Variants in FAM13A observed in about 807,000 individuals in gnomAD.
FAM13A encodes protein FAM13A.
Under a neutral mutation model 129.6 loss-of-function variants are expected in FAM13A, and 76 were observed. The ratio of observed to expected loss-of-function variants is 0.59; its 90% CI spans 0.49 to 0.71. The LOEUF is 0.71. FAM13A is among the 30% of genes least tolerant of loss of function. The pLI, the probability that FAM13A is intolerant of heterozygous loss-of-function variation, is 0.00. For synonymous variants in FAM13A, 443 were observed against 449.9 expected, an observed-to-expected ratio of 0.98 and a Z score of 0.20; for missense variants, 1,108 against 1,249.3, an observed-to-expected ratio of 0.89 and a Z score of 1.70.
At chr4:88,929,528 G>T (rs539706436) in intron 5 of FAM13A, among the ~76,000 whole-genome samples, 68 of 151,864 alleles carry the variant, frequency 4.5e-4, no homozygotes, top group Non-Finnish European at 1.3e-4. Context: ...CCAATAATTT[G>T]TAAGTTCAGT....
chr4:88,945,990 G>GTGTGTGTGTGTGTATATATATATATATA, intron 4 of FAM13A, among the ~76,000 whole-genome samples: 8 of 61,946 alleles, frequency 1.3e-4, no homozygotes, highest in Admixed American at 3.4e-4. Context: ...GTGTGTGTGT[G>GTGTGTGTGTGTGTATATATATATATATA]TATATATATA....
At chr4:88,985,650 T>C (rs1467979642) in intron 4 of FAM13A, among the ~76,000 whole-genome samples, 1 of 152,152 alleles carries the variant, frequency 6.6e-6, no homozygotes, top group Non-Finnish European at 1.5e-5. Flanking sequence ...GGCTATCTAA[T>C]GATATAGAGG....
intron 4 of FAM13A, among the ~76,000 whole-genome samples, chr4:88,962,097 A>G (rs1758701859): frequency 6.6e-6 from 1 of 152,114 alleles, no homozygotes; most frequent in Non-Finnish European, 1.5e-5. Flanking sequence ...TGGCAACAGT[A>G]AAAACCAGAC....
chr4:88,795,908 A>G (rs1726077516), intron 8 of FAM13A, among the ~76,000 whole-genome samples: 1 of 151,804 alleles, frequency 6.6e-6, no homozygotes, highest in Admixed American at 6.6e-5. Context: ...AGTAAACTTC[A>G]GTTATGATTA....
intron 4 of FAM13A, among the ~76,000 whole-genome samples, chr4:88,947,834 T>C (rs975728283): frequency 6.8e-6 from 1 of 145,986 alleles, no homozygotes; most frequent in African/African-American, 2.4e-5. Flanking sequence ...ATGAGTAAAG[T>C]TGAAAGTCAT....
At position 88,906,422 on chromosome 4, in the gene FAM13A, C is replaced by G; in HGVS notation, c.800G>C (p.Arg267Thr). The stretch of plus-strand genomic sequence containing the variant: ...TTTTGGCATGTCTCTTTCTAAGCCT[C>G]TTGTTAAAAGGATGGGCAGGGAGTT... ...YKNSLPILLT[R>T]GLERDMPKPP... The change falls in exon 6 of 24, where the codon AGA becomes ACA. Residue 267 changes from arginine (R) to threonine (T), a missense_variant. Arg to Thr is a moderately conservative substitution (Grantham distance 71). Coordinates refer to ENST00000264344, the MANE Select transcript of FAM13A (RefSeq NM_014883.4). The G allele has an allele frequency of 6.2e-7, 1 of 1,612,050 alleles. No individual in the cohort carries two copies. The highest frequency in any genetic ancestry group is 8.5e-7 in the Non-Finnish European group (1 of 1,178,934).
chr4:88,943,853 T>C (rs2148837204), intron 4 of FAM13A, among the ~76,000 whole-genome samples: 1 of 152,312 alleles, frequency 6.6e-6, no homozygotes, highest in African/African-American at 2.4e-5. Flanking sequence ...ATTTGAAATA[T>C]TGCTGGTTCT....
chr4:88,838,599 C>T (rs969170491), intron 7 of FAM13A, among the ~76,000 whole-genome samples: 32 of 151,840 alleles, frequency 2.1e-4, no homozygotes, highest in African/African-American at 7.5e-4. Flanking sequence ...TGGTGGCGGG[C>T]GCCTGTAGTC....
chr4:88,813,825 T>C (rs1730134373), intron 7 of FAM13A, among the ~76,000 whole-genome samples: 1 of 152,186 alleles, frequency 6.6e-6, no homozygotes, highest in African/African-American at 2.4e-5. Context: ...GGAAAGTGAA[T>C]GAAGGTTTGA....
intron 5 of FAM13A, among the ~76,000 whole-genome samples, chr4:88,913,406 A>T (rs192782893): frequency 3.6e-5 from 5 of 140,402 alleles, no homozygotes; most frequent in South Asian, 2.4e-4. Flanking sequence ...AAAGAAGAAG[A>T]AGTAGTAGAA....
chr4:88,755,319 T>C (rs1743403486), intron 14 of FAM13A, among the ~76,000 whole-genome samples: 1 of 152,206 alleles, frequency 6.6e-6, no homozygotes, highest in Non-Finnish European at 1.5e-5. Context: ...ACACACATAG[T>C]GCCTACTATG....
At chr4:88,848,494 G>T (rs1008268610) in intron 7 of FAM13A, among the ~76,000 whole-genome samples, 1 of 152,084 alleles carries the variant, frequency 6.6e-6, no homozygotes, top group Non-Finnish European at 1.5e-5. Context: ...ACCCTTTCTG[G>T]ACCAAGCCCT....
At chr4:89,028,097 T>C (rs1768206064) in intron 2 of FAM13A, among the ~76,000 whole-genome samples, 1 of 151,384 alleles carries the variant, frequency 6.6e-6, no homozygotes, top group South Asian at 2.1e-4. Flanking sequence ...TCCCTGCTAC[T>C]TGGGAGGCTG....
Position 88,731,363 on chromosome 4 carries a change from C to A in FAM13A, c.2909G>T (p.Arg970Leu). 1 of 1,609,032 alleles carries A rather than the reference C, an allele frequency of 6.2e-7. No homozygotes were observed. The highest frequency in any genetic ancestry group is 8.5e-7 in the Non-Finnish European group (1 of 1,179,602). The change falls in exon 23 of 24, where the codon CGG becomes CTG. Residue 970 changes from arginine (R) to leucine (L), a missense_variant. Around this residue, in one of 3 missense-constraint regions of FAM13A, gnomAD observed 529 missense variants for 621.2 expected, o/e 0.85. Transcript: ENST00000264344. Reference protein sequence around the residue: ...EEKKRIRKKLRDFEDNFFRQN... With the variant: ...EEKKRIRKKLLDFEDNFFRQN... ...TCTGAAAAAGTTGTCTTCAAAATCCCGAAGTTTCTTTCGAATCCTTTTCTT... is the reference window on the plus strand; with the variant it reads ...TCTGAAAAAGTTGTCTTCAAAATCCAGAAGTTTCTTTCGAATCCTTTTCTT...
At chr4:89,001,794 T>C (rs947117212) in intron 3 of FAM13A, among the ~76,000 whole-genome samples, 18 of 152,238 alleles carry the variant, frequency 1.2e-4, no homozygotes, top group African/African-American at 4.3e-4. Flanking sequence ...CCTCATATAA[T>C]GAAGAAAGAG....
chr4:88,940,057 T>C (rs561195014), intron 4 of FAM13A, among the ~76,000 whole-genome samples: 2 of 152,258 alleles, frequency 1.3e-5, no homozygotes, highest in South Asian at 4.1e-4. Flanking sequence ...AGATAGCAAA[T>C]GTTTGTTGTT....
At chr4:88,997,688 T>G (rs1763740054) in intron 3 of FAM13A, among the ~76,000 whole-genome samples, 1 of 152,158 alleles carries the variant, frequency 6.6e-6, no homozygotes, top group African/African-American at 2.4e-5. Flanking sequence ...TCAATGACCA[T>G]GAAGTTATAC....
At chr4:88,789,964 T>G (rs776546570) in intron 9 of FAM13A, among the ~76,000 whole-genome samples, 4 of 152,112 alleles carry the variant, frequency 2.6e-5, no homozygotes. Context: ...GACTGATAAC[T>G]GGAGTTTAGG....
rs1056872087 is a variant in FAM13A, at chr4:88,727,537, T to C, written c.*996A>G. 2.2e-5 allele frequency: 3 copies of C among 134,392 alleles called. No individual in the cohort carries two copies. In the South Asian group the frequency reaches 1.3e-3, roughly 60 times the overall value. The allele number at this position is 134,392 out of a possible 1,614,324, so 8.3% of individuals were successfully genotyped here. A position where few individuals can be genotyped will look rare whatever the true frequency, so the allele number is the denominator to read the frequency against. On this transcript the variant is annotated 3_prime_UTR_variant, in exon 24 of 24. Transcript: ENST00000264344. ...GTCAGTTTGGGGATTTTAGTGCAGATTTTTTTTAAAAAAATTAAACTCTGG... is the reference window on the plus strand; with the variant it reads ...GTCAGTTTGGGGATTTTAGTGCAGACTTTTTTTAAAAAAATTAAACTCTGG...
Sources: gnomAD v4.1 joint callset for allele counts (sites outside exome capture counted in the v4.1 genomes callset) on GRCh38, gnomAD v4.1.1 for gene constraint, gnomAD v4.1.1 regional missense constraint, MANE v1.5 for transcripts, NCBI Gene and HGNC (gene_info 2026-07-23, HGNC 2026-07-21) for gene names.